The following ZNF28 variants were observed in gnomAD, a reference collection of about 807,000 sequenced individuals.
The protein encoded by ZNF28 is zinc finger protein KOX24.
Under a neutral mutation model 7.2 loss-of-function variants are expected in ZNF28, and 5 were observed. The ratio of observed to expected loss-of-function variants is 0.70; its 90% CI spans 0.36 to 1.46. The LOEUF (loss-of-function observed/expected upper bound fraction) is 1.46, where lower values mean the gene tolerates loss of function less well. ZNF28 is among the 40% of genes most tolerant of loss of function. The probability of loss-of-function intolerance (pLI) is 0.03; values close to 1 mark genes in which losing one functional copy is unlikely to be tolerated. For synonymous variants in ZNF28, 288 were observed against 292.4 expected (o/e 0.99, Z 0.15); for missense variants, 879 against 866.6 (o/e 1.01, Z -0.18).
At chr19:52,807,295 A>C (rs1398137214) in intron 3 of ZNF28, among the ~76,000 whole-genome samples, 1 of 152,220 alleles carries the variant, frequency 6.6e-6, no homozygotes, top group Non-Finnish European at 1.5e-5. Context: ...AAGACATTAC[A>C]GATGAATCTA....
intron 2 of ZNF28, among the ~76,000 whole-genome samples, chr19:52,816,834 AAATAATAATAATAATAATAAT>A (rs34015590): frequency 7.2e-5 from 10 of 138,422 alleles, no homozygotes; most frequent in African/African-American, 2.4e-4. Context: ...CCGTTTCAGA[AAATAATAATAATAATAATAAT>A]AATAATAATA....
intron 2 of ZNF28, among the ~76,000 whole-genome samples, chr19:52,812,762 T>TAAAAA (rs56944474): frequency 1.4e-3 from 107 of 75,400 alleles, no homozygotes; most frequent in African/African-American, 3.8e-3. Flanking sequence ...GAATGATCAA[T>TAAAAA]AAAAAAAAAA....
chr19:52,820,325 G>C (rs573690212), intron 1 of ZNF28, among the ~76,000 whole-genome samples: 1 of 135,224 alleles, frequency 7.4e-6, no homozygotes, highest in Admixed American at 7.5e-5. Context: ...CACCTTGTTA[G>C]CCAGGATGGT....
intron 2 of ZNF28, among the ~76,000 whole-genome samples, chr19:52,817,551 G>T (rs12463144): frequency 0.62 from 94,360 of 151,340 alleles, 30,639 homozygotes; most frequent in Non-Finnish European, 0.73. Context: ...TTCTAGAATT[G>T]ACCACGTACT....
chr19:52,800,332 G>C lies in ZNF28; in HGVS notation c.1513C>G (p.Arg505Gly). The change falls in exon 4 of 4, where the codon CGG (arginine) becomes GGG (glycine). Residue 505 changes from arginine to glycine, a missense_variant. Around this residue, in one of 2 missense-constraint regions of ZNF28, gnomAD observed 864 missense variants for 830.2 expected, o/e 1.04. Transcript: ENST00000457749. The part of the protein sequence containing the change: ...YKCKVCDKAF[R>G]SDSCLTEHQR... ...TGTTCTGTAAGGCATGAATCACTCC[G>C]GAAAGCCTTGTCACAAACCTTACAT... The C allele has an allele frequency of 6.2e-7, 1 of 1,612,406 alleles. No homozygotes were observed. Among genetic ancestry groups the C allele is most frequent in the Non-Finnish European group, 8.5e-7 (1 of 1,179,610 alleles).
At chr19:52,809,878 C>A in intron 2 of ZNF28, 1 of 725,974 alleles carries the variant, frequency 1.4e-6, no homozygotes, top group Non-Finnish European at 2.4e-6. Flanking sequence ...GCGGGCGGTC[C>A]GGGATCCAGG....
rs749859480 is a variant in ZNF28 at position 52,818,003 on chromosome 19, C to T, written c.-45G>A. Reference sequence around the variant, plus strand: ...CTCTTCCTCTTCTGGGTTTCTTCCTCACGTACCAAGATTCTTTAGAAGTCA... The same window carrying T: ...CTCTTCCTCTTCTGGGTTTCTTCCTTACGTACCAAGATTCTTTAGAAGTCA... On this transcript the variant is annotated 5_prime_UTR_variant, in exon 2 of 4. Transcript: ENST00000457749. 8 of 1,609,806 alleles carry T rather than the reference C, an allele frequency of 5.0e-6. No individual in the cohort carries two copies. In the African/African-American group the frequency reaches 9.4e-5, roughly 19 times the overall value.
chr19:52,813,977 A>G (rs28760449), intron 2 of ZNF28, among the ~76,000 whole-genome samples: 6,600 of 146,064 alleles, frequency 0.045, 1,383 homozygotes, highest in African/African-American at 0.17. Flanking sequence ...TTTTTTTAAT[A>G]TGTGTCATGA....
In ZNF28 at chr19:52,797,895, G is replaced by A. The variant is rs370707293; in HGVS notation, c.*1793C>T. On this transcript the variant is annotated 3_prime_UTR_variant, in exon 4 of 4. Transcript: ENST00000457749. ...CTCAGCACTTCGGGAGGTAGAGGTG[G>A]GTGAATCATAAGATCAGAAAATCGA... The A allele has an allele frequency of 6.6e-6, 1 of 151,992 alleles. No individual in the cohort carries two copies. The highest frequency in any genetic ancestry group is 2.4e-5 in the African/African-American group (1 of 41,388). The allele number at this position is 151,992 out of a possible 1,614,324, so 9.4% of individuals were successfully genotyped here. A position where few individuals can be genotyped will look rare whatever the true frequency, so the allele number is the denominator to read the frequency against.
chr19:52,810,805 T>G lies in ZNF28; in HGVS notation c.16-2672A>C, dbSNP rs1224908082. 7.6e-6 allele frequency: 3 copies of G among 396,862 alleles called. No individual in the cohort carries two copies. The South Asian group carries it at 1.1e-4, about 15-fold the overall frequency. The allele number at this position is 396,862 out of a possible 1,614,324, so 24.6% of individuals were successfully genotyped here. On this transcript the variant is annotated intron_variant, in intron 2 of 3. Transcript: ENST00000457749. ...CAAAAAAAACAGAAGATGACCTTGA[T>G]GGAAAAAAATATATATATATTTTTA...
At position 52,801,601 on chromosome 19, in the gene ZNF28, T is replaced by C. The variant is rs1261428853; in HGVS notation, c.244A>G (p.Ile82Val). The change falls in exon 4 of 4, where the codon ATT (isoleucine) becomes GTT (valine). Residue 82 changes from isoleucine to valine, a missense_variant. This residue lies in a region of ZNF28 where 864 missense variants were observed against 830.2 expected (regional missense o/e 1.04). Coordinates refer to ENST00000457749, the MANE Select transcript of ZNF28 (RefSeq NM_006969.5). ...ATTTTCTGGAAGCAAAAATCTCCAA[T>C]GTGATGACTTGCTTGTCTTTGCAAT... ...GTLQRQASHHIGDFCFQKIEK... is the reference protein window; with the variant it reads ...GTLQRQASHHVGDFCFQKIEK... 1 of 1,614,172 alleles carries C rather than the reference T, an allele frequency of 6.2e-7. No homozygotes were observed. Among genetic ancestry groups the C allele is most frequent in the South Asian group, 1.1e-5 (1 of 91,084 alleles).
At chr19:52,807,666 G>A (rs1026732674) in intron 3 of ZNF28, among the ~76,000 whole-genome samples, 1 of 152,082 alleles carries the variant, frequency 6.6e-6, no homozygotes, top group Non-Finnish European at 1.5e-5. Context: ...GTACAGACAG[G>A]GTTTCTGCAT....
chr19:52,799,324 C>A lies in ZNF28; in HGVS notation c.*364G>T, dbSNP rs1010397677. ...TGTTTTGCCAGGTATGAATTATATT[C>A]AAAAATCTTGTCATAAACCTTACAT... is the stretch of plus-strand genomic sequence containing the variant. On this transcript the variant is annotated 3_prime_UTR_variant, in exon 4 of 4. Coordinates refer to ENST00000457749, the MANE Select transcript of ZNF28 (RefSeq NM_006969.5). 13 of 430,754 alleles carry A rather than the reference C, an allele frequency of 3.0e-5. No individual in the cohort carries two copies. The highest frequency in any genetic ancestry group is 5.2e-5 in the Non-Finnish European group (12 of 229,558). The allele number at this position is 430,754 out of a possible 1,614,324, so 26.7% of individuals were successfully genotyped here. A position where few individuals can be genotyped will look rare whatever the true frequency, so the allele number is the denominator to read the frequency against.
intron 3 of ZNF28, among the ~76,000 whole-genome samples, 195 bp from the exon 4 acceptor site, chr19:52,801,897 A>C (rs1267816005): frequency 6.6e-6 from 1 of 152,230 alleles, no homozygotes; most frequent in African/African-American, 2.4e-5. Flanking sequence ...CAATTCCATG[A>C]AAGTCTATTT....
intron 2 of ZNF28, among the ~76,000 whole-genome samples, chr19:52,811,811 G>A (rs1428325962): frequency 1.4e-5 from 2 of 147,506 alleles, no homozygotes; most frequent in Non-Finnish European, 3.0e-5. Flanking sequence ...GGAGGTGAGG[G>A]GCTCCTCTGC....
chr19:52,810,441 T>A lies in ZNF28; in HGVS notation c.16-2308A>T, dbSNP rs574000240. ...TAGTGGCCATCCCAAAGGGTTTGCA[T>A]ATATAGAGTTCTCAAAGAGTCAGTG... On this transcript the variant is annotated intron_variant, in intron 2 of 3. Transcript: ENST00000457749. The A allele has an allele frequency of 2.5e-6, 4 of 1,598,984 alleles. No homozygotes were observed. In the African/African-American group the frequency reaches 5.4e-5, roughly 21 times the overall value.
intron 3 of ZNF28, among the ~76,000 whole-genome samples, chr19:52,802,912 C>T (rs141511024): frequency 2.8e-3 from 424 of 151,806 alleles, no homozygotes; most frequent in African/African-American, 9.7e-3. Flanking sequence ...AGGCACACAC[C>T]GCCATGTCCA....
At position 52,818,155 on chromosome 19, in the gene ZNF28, C is replaced by T. The variant is rs566527983; in HGVS notation, c.-73-124G>A. ...TGGTCCCCTATGCTGCCTACCGCAC[C>T]ACGAACAAAAAATTCCTACAGGAAA... is the stretch of plus-strand genomic sequence containing the variant. On this transcript the variant is annotated intron_variant, in intron 1 of 3. Coordinates refer to ENST00000457749, the MANE Select transcript of ZNF28 (RefSeq NM_006969.5). The T allele has an allele frequency of 4.8e-6, 5 of 1,047,008 alleles. No individual in the cohort carries two copies. In the South Asian group the frequency reaches 8.9e-5, roughly 19 times the overall value. 64.9% of individuals were successfully genotyped at this position (1,047,008 alleles called of 1,614,324 possible).
At chr19:52,813,256 A>AAAAAAAAAAAG (rs2063077630) in intron 2 of ZNF28, among the ~76,000 whole-genome samples, 1 of 146,072 alleles carries the variant, frequency 6.8e-6, no homozygotes, top group Non-Finnish European at 1.5e-5. Flanking sequence ...GGTGAAAAAA[A>AAAAAAAAAAAG]AAAAAAAAAA....
Sources: allele counts gnomAD v4.1 joint callset (sites outside exome capture counted in the v4.1 genomes callset), GRCh38; gene constraint gnomAD v4.1.1; regional missense constraint gnomAD v4.1.1; transcripts MANE v1.5; gene names NCBI Gene and HGNC (gene_info 2026-07-23, HGNC 2026-07-21).